LPAR3: variants seen among roughly 807,000 people sequenced by gnomAD.
LPAR3 encodes LPA receptor 3.
A neutral mutation model predicts 17.8 loss-of-function variants in LPAR3; 7 were observed. The observed-to-expected ratio is 0.39, with a 90% confidence interval of 0.22 to 0.74. LPAR3 has a LOEUF of 0.74. LPAR3 is among the 30% of genes least tolerant of loss of function. LPAR3 has a pLI of 0.40. For synonymous variants in LPAR3, 179 were observed against 179.9 expected, an observed-to-expected ratio of 0.99 and a Z score of 0.04; for missense variants, 391 against 453.4, an observed-to-expected ratio of 0.86 and a Z score of 1.25.
At chr1:84,816,265 T>A (rs1426903745) in intron 2 of LPAR3, among the ~76,000 whole-genome samples, 5 of 152,226 alleles carry the variant, frequency 3.3e-5, no homozygotes, top group African/African-American at 9.6e-5. Flanking sequence ...TACCACCCGA[T>A]AATTGTGTCT....
intron 2 of LPAR3, among the ~76,000 whole-genome samples, chr1:84,846,089 T>C (rs1325998496): frequency 6.6e-6 from 1 of 152,124 alleles, no homozygotes; most frequent in Non-Finnish European, 1.5e-5. Context: ...CAAAATACAA[T>C]CAATTTCCCG....
chr1:84,846,937 T>A (rs55706573), intron 2 of LPAR3, among the ~76,000 whole-genome samples: 2 of 152,164 alleles, frequency 1.3e-5, no homozygotes, highest in Non-Finnish European at 1.5e-5. Flanking sequence ...GGGGCTACCC[T>A]GTAGTTTATT....
chr1:84,880,257 C>T (rs1660338750), intron 1 of LPAR3, among the ~76,000 whole-genome samples: 1 of 152,172 alleles, frequency 6.6e-6, no homozygotes, highest in Non-Finnish European at 1.5e-5. Context: ...TTGAACAGAA[C>T]CAGAACATGA....
At chr1:84,883,520 C>T (rs1159358913) in intron 1 of LPAR3, among the ~76,000 whole-genome samples, 1 of 152,198 alleles carries the variant, frequency 6.6e-6, no homozygotes, top group African/African-American at 2.4e-5. Flanking sequence ...TAAACCACTC[C>T]TTCAGGATCT....
intron 2 of LPAR3, among the ~76,000 whole-genome samples, chr1:84,848,607 T>C (rs1484573661): frequency 6.6e-6 from 1 of 152,182 alleles, no homozygotes; most frequent in Non-Finnish European, 1.5e-5. Context: ...ACCCCATAAA[T>C]GAGCATTAAC....
Position 84,813,755 on chromosome 1 carries a change from C to G in LPAR3, c.*91G>C, listed in dbSNP as rs1658868306. ...AGTGATTAATGGAGACCTCAAATAA[C>G]ACTGTACATGGGCTTTGTTAGAGAC... On this transcript the variant is annotated 3_prime_UTR_variant, in exon 3 of 3. Coordinates refer to ENST00000370611, the MANE Select transcript of LPAR3 (RefSeq NM_012152.3). 9.3e-7 allele frequency: 1 copy of G among 1,072,406 alleles called. No individual in the cohort carries two copies. Among genetic ancestry groups the G allele is most frequent in the Non-Finnish European group, 1.3e-6 (1 of 745,746 alleles). 66.4% of individuals were successfully genotyped at this position (1,072,406 alleles called of 1,614,324 possible).
intron 2 of LPAR3, among the ~76,000 whole-genome samples, chr1:84,855,450 G>A (rs999870325): frequency 6.6e-6 from 1 of 152,188 alleles, no homozygotes; most frequent in African/African-American, 2.4e-5. Flanking sequence ...AGGGTTGGAT[G>A]TAGTTGGGTA....
At chr1:84,888,633 C>A (rs1660500784) in intron 1 of LPAR3, among the ~76,000 whole-genome samples, 1 of 152,190 alleles carries the variant, frequency 6.6e-6, no homozygotes, top group Non-Finnish European at 1.5e-5. Flanking sequence ...AGACCAGGGG[C>A]TTGCCTTAAA....
In LPAR3 at chr1:84,811,608, CTTTTAAAA is replaced by C. The variant is rs897539336; in HGVS notation, c.*2230_*2237del. 6.6e-6 allele frequency: 1 copy of C among 152,112 alleles called. No homozygotes were observed. The highest frequency in any genetic ancestry group is 2.4e-5 in the African/African-American group (1 of 41,430). The allele number at this position is 152,112 out of a possible 1,614,324, so 9.4% of individuals were successfully genotyped here. On this transcript the variant is annotated 3_prime_UTR_variant, in exon 3 of 3. Coordinates refer to ENST00000370611, the MANE Select transcript of LPAR3 (RefSeq NM_012152.3). ...TGCACCTCAACAAGAGAGAACAGAT[CTTTTAAAA>C]TTTTATTTTATAGGTAGCTTCGATA...
chr1:84,865,848 GC>G lies in LPAR3; in HGVS notation c.272del (p.Gly91AlafsTer7). Reference sequence around the variant, plus strand: ...TGACAGTCAAAGTTTTTGAAACTGGGCCTGTGTTAAACATCAGGAATACATA... The same window carrying G: ...TGACAGTCAAAGTTTTTGAAACTGGGCTGTGTTAAACATCAGGAATACATA... The part of the protein sequence containing the change: ...IAYVFLMFNT[G>X]PVSKTLTVNR... On this transcript the variant is annotated frameshift_variant, in exon 2 of 3. Transcript: ENST00000370611. LOFTEE classifies it high-confidence loss of function. 1.2e-6 allele frequency: 2 copies of G among 1,614,198 alleles called. No homozygotes were observed. The highest frequency in any genetic ancestry group is 1.7e-6 in the Non-Finnish European group (2 of 1,180,042).
At chr1:84,870,432 T>C (rs10493757) in intron 1 of LPAR3, among the ~76,000 whole-genome samples, 51,524 of 152,116 alleles carry the variant, frequency 0.34, 12,018 homozygotes, top group African/African-American at 0.66. Flanking sequence ...AATCTCTGTC[T>C]TACACTATCT....
chr1:84,862,451 C>G (rs1039552237), intron 2 of LPAR3, among the ~76,000 whole-genome samples: 2 of 152,230 alleles, frequency 1.3e-5, no homozygotes, highest in African/African-American at 4.8e-5. Flanking sequence ...ACTGGACACA[C>G]TGCTTAAACT....
chr1:84,891,264 C>T (rs1660547579), intron 1 of LPAR3, among the ~76,000 whole-genome samples: 1 of 151,824 alleles, frequency 6.6e-6, no homozygotes, highest in African/African-American at 2.4e-5. Flanking sequence ...ATTCTAAAGA[C>T]AAAGAAAAAA....
rs534725471 is a variant in LPAR3 at position 84,812,663 on chromosome 1, C to A, written c.*1183G>T. 6.6e-6 allele frequency: 1 copy of A among 152,230 alleles called. No homozygotes were observed. The highest frequency in any genetic ancestry group is 1.5e-5 in the Non-Finnish European group (1 of 68,166). 9.4% of individuals were successfully genotyped at this position (152,230 alleles called of 1,614,324 possible). The stretch of plus-strand genomic sequence containing the variant: ...GCCCAGGCTGGTCTCATACTCCTGG[C>A]CTCAAGTGATCCACCTGCCTCAGCC... On this transcript the variant is annotated 3_prime_UTR_variant, in exon 3 of 3. Transcript: ENST00000370611.
intron 2 of LPAR3, among the ~76,000 whole-genome samples, chr1:84,849,524 G>A (rs1378216671): frequency 1.3e-5 from 2 of 152,100 alleles, no homozygotes; most frequent in Non-Finnish European, 2.9e-5. Flanking sequence ...GCCCAGATAG[G>A]CAGACTCAGC....
chr1:84,879,233 C>A lies in LPAR3; in HGVS notation c.-18-13095G>T, dbSNP rs182777069. Reference sequence around the variant, plus strand: ...CCTGTGACTTCTTTTGTAATTATTTCTTTGTATTATTATTTAGCTTTATGT... The same window carrying A: ...CCTGTGACTTCTTTTGTAATTATTTATTTGTATTATTATTTAGCTTTATGT... On this transcript the variant is annotated intron_variant, in intron 1 of 2. Transcript: ENST00000370611. Among the ~76,000 whole-genome samples the A allele has an allele frequency of 3.6e-4, 55 of 151,984 alleles. 1 individual carries two copies. The highest frequency in any genetic ancestry group is 1.3e-3 in the African/African-American group (54 of 41,382).
intron 2 of LPAR3, among the ~76,000 whole-genome samples, chr1:84,858,629 T>C (rs1041587840): frequency 3.9e-5 from 6 of 152,142 alleles, no homozygotes; most frequent in African/African-American, 1.4e-4. Flanking sequence ...GCTCCAGCAT[T>C]TGAAAAGCCA....
chr1:84,835,290 T>C (rs113454555), intron 2 of LPAR3, among the ~76,000 whole-genome samples: 236 of 152,340 alleles, frequency 1.5e-3, no homozygotes, highest in African/African-American at 5.4e-3. Context: ...TTAACGTGCC[T>C]GCAACTGCAT....
chr1:84,847,552 C>T (rs1450136913), intron 2 of LPAR3, among the ~76,000 whole-genome samples: 1 of 152,220 alleles, frequency 6.6e-6, no homozygotes, highest in Non-Finnish European at 1.5e-5. Flanking sequence ...GCCCAGGAAG[C>T]AAGTCCAGCT....
Sources: allele counts gnomAD v4.1 joint callset (sites outside exome capture counted in the v4.1 genomes callset), GRCh38; gene constraint gnomAD v4.1.1; transcripts MANE v1.5; gene names NCBI Gene and HGNC (gene_info 2026-07-23, HGNC 2026-07-21).